Variants in PRKRIP1 observed in about 807,000 individuals in gnomAD.
PRKRIP1 encodes PRKR-interacting protein 1.
Under a neutral mutation model 29.3 loss-of-function variants are expected in PRKRIP1, and 29 were observed. The observed-to-expected ratio is 0.99, with a 90% CI of 0.74 to 1.35. The LOEUF (loss-of-function observed/expected upper bound fraction) is 1.35. Among genes scored for constraint, PRKRIP1 ranks in the 40% most tolerant of loss-of-function variants. PRKRIP1 has a pLI of 0.00. For synonymous variants in PRKRIP1, 90 were observed against 85.1 expected (o/e 1.06, Z -0.32); for missense variants, 247 against 236.8 (o/e 1.04, Z -0.28).
chr7:102,408,074 G>A (rs1796280649), intron 5 of PRKRIP1, among the ~76,000 whole-genome samples: 1 of 152,172 alleles, frequency 6.6e-6, no homozygotes, highest in Non-Finnish European at 1.5e-5. Context: ...GCAGCGTGAT[G>A]TGGCTCAGCA....
chr7:102,418,170 C>T (rs966540813), intron 5 of PRKRIP1, among the ~76,000 whole-genome samples: 4 of 151,880 alleles, frequency 2.6e-5, no homozygotes, highest in African/African-American at 9.7e-5. Flanking sequence ...CTGCCTCAGC[C>T]TCCTGAGTAG....
rs541545617 is a variant in PRKRIP1 at position 102,412,981 on chromosome 7, C to T, written c.457+5483C>T. On this transcript the variant is annotated intron_variant, in intron 5 of 5. Transcript: ENST00000397912. ...TATTCCCACACCACTCTTACTTATC[C>T]TAACATAGGCCTGCCCATCAAAGAA... Among the ~76,000 whole-genome samples the T allele has an allele frequency of 2.6e-5, 4 of 152,328 alleles. No homozygotes were observed. The South Asian group carries it at 6.2e-4, about 24-fold the overall frequency.
chr7:102,398,762 T>G (rs1274069268), intron 2 of PRKRIP1, among the ~76,000 whole-genome samples: 1 of 152,212 alleles, frequency 6.6e-6, no homozygotes, highest in African/African-American at 2.4e-5. Context: ...TGTAAATTCT[T>G]TAGTTTCCCA....
At chr7:102,397,202 G>T (rs1554570511) in intron 1 of PRKRIP1, among the ~76,000 whole-genome samples, 1 of 152,154 alleles carries the variant, frequency 6.6e-6, no homozygotes, top group Non-Finnish European at 1.5e-5. Flanking sequence ...TGTCCAAGTA[G>T]CAAAGCAGTC....
chr7:102,412,486 C>T (rs1454080944), intron 5 of PRKRIP1, among the ~76,000 whole-genome samples: 3 of 152,144 alleles, frequency 2.0e-5, no homozygotes, highest in African/African-American at 7.2e-5. Context: ...GCCCAGGTAG[C>T]CGAGGCGGCA....
chr7:102,396,653 G>T, intron 1 of PRKRIP1, 116 bp downstream of exon 1: 2 of 1,122,510 alleles, frequency 1.8e-6, no homozygotes, highest in Non-Finnish European at 2.5e-6. Flanking sequence ...CTCAGTATCC[G>T]ACCCTCCAAG....
chr7:102,399,593 A>G lies in PRKRIP1; in HGVS notation c.251A>G (p.His84Arg), dbSNP rs781934928. ...AGSGEFHVYR[H>R]LRRREYQRQD... ...AGTGGAGAGTTCCACGTGTACAGACATCTGCGCCGGAGAGAATATCAGCGA... is the reference window on the plus strand; with the variant it reads ...AGTGGAGAGTTCCACGTGTACAGACGTCTGCGCCGGAGAGAATATCAGCGA... The change falls in exon 3 of 6, where the codon CAT (histidine) becomes CGT (arginine). Residue 84 changes from histidine (H) to arginine (R), a missense_variant. By Grantham distance (29) the His-to-Arg change is conservative. Around this residue, in one of 3 missense-constraint regions of PRKRIP1, gnomAD observed 134 missense variants for 126.6 expected, o/e 1.06. Transcript: ENST00000397912. The G allele has an allele frequency of 6.2e-7, 1 of 1,614,172 alleles. No individual in the cohort carries two copies. The highest frequency in any genetic ancestry group is 8.5e-7 in the Non-Finnish European group (1 of 1,180,030).
chr7:102,415,606 C>T (rs1435656990), intron 5 of PRKRIP1, among the ~76,000 whole-genome samples: 2 of 152,250 alleles, frequency 1.3e-5, no homozygotes, highest in Admixed American at 6.5e-5. Flanking sequence ...TACCCAAGAT[C>T]ACGGAATGCT....
rs546645621 is a variant in PRKRIP1, at chr7:102,426,356, A to G, written c.*1245A>G. ...GTTTTGAGGCCAACAGGGACGACAGAGACAGTTTCTAGTTAGAGCCTTGGC... is the reference window on the plus strand; with the variant it reads ...GTTTTGAGGCCAACAGGGACGACAGGGACAGTTTCTAGTTAGAGCCTTGGC... On this transcript the variant is annotated 3_prime_UTR_variant, in exon 6 of 6. Transcript: ENST00000397912. 1.3e-5 allele frequency: 2 copies of G among 152,788 alleles called. No homozygotes were observed. The highest frequency in any genetic ancestry group is 3.8e-4 in the East Asian group (2 of 5,196). 9.5% of individuals were successfully genotyped at this position (152,788 alleles called of 1,614,324 possible).
In PRKRIP1 at chr7:102,425,167, A is replaced by G; in HGVS notation, c.*56A>G. 1 of 1,569,480 alleles carries G rather than the reference A, an allele frequency of 6.4e-7. No individual in the cohort carries two copies. Among genetic ancestry groups the G allele is most frequent in the Non-Finnish European group, 8.6e-7 (1 of 1,162,304 alleles). The stretch of plus-strand genomic sequence containing the variant: ...TGGCTCGTGCTGTGACCAGAAGGGA[A>G]AGGCGGCTGTTTGGCTCTTTCTCCC... On this transcript the variant is annotated 3_prime_UTR_variant, in exon 6 of 6. Transcript: ENST00000397912.
intron 5 of PRKRIP1, among the ~76,000 whole-genome samples, chr7:102,420,220 C>A (rs181003554): frequency 3.7e-4 from 56 of 152,252 alleles, no homozygotes; most frequent in African/African-American, 1.3e-3. Flanking sequence ...ATAAGTTTCA[C>A]ATCAACTGAG....
intron 1 of PRKRIP1, among the ~76,000 whole-genome samples, chr7:102,396,789 C>A (rs1554570435): frequency 6.6e-6 from 1 of 152,096 alleles, no homozygotes; most frequent in East Asian, 1.9e-4. Context: ...CTCCAAGACC[C>A]CTTCTGGTTT....
At chr7:102,400,029 A>T (rs1796021755) in intron 3 of PRKRIP1, among the ~76,000 whole-genome samples, 1 of 151,730 alleles carries the variant, frequency 6.6e-6, no homozygotes, top group Non-Finnish European at 1.5e-5. Context: ...GAGAAAAGAA[A>T]AGAAAAAAGC....
chr7:102,397,145 A>G (rs1256340010), intron 1 of PRKRIP1, among the ~76,000 whole-genome samples: 1 of 152,180 alleles, frequency 6.6e-6, no homozygotes, highest in Non-Finnish European at 1.5e-5. Flanking sequence ...AAGAGTACAT[A>G]GGATGAAAAA....
Position 102,425,087 on chromosome 7 carries a change from G to A in PRKRIP1, c.531G>A (p.Val177=), listed in dbSNP as rs142271788. ...CTGGAACAGAGGAGGAGGAGGAAGT[G>A]CCCAGTTTCACCATGGGGCGATGAC... The part of the protein sequence containing the change: ...EASGTEEEEE[V]PSFTMGR Residue 177 remains valine, a synonymous_variant, in exon 6 of 6, where the codon GTG becomes GTA. Coordinates refer to ENST00000397912, the MANE Select transcript of PRKRIP1 (RefSeq NM_024653.4). 499 of 1,613,142 alleles carry A rather than the reference G, an allele frequency of 3.1e-4. 4 individuals are homozygous for A. In the African/African-American group the frequency reaches 6.1e-3, roughly 20 times the overall value.
Position 102,396,400 on chromosome 7 carries a change from T to C in PRKRIP1, c.-12T>C. 6.5e-7 allele frequency: 1 copy of C among 1,544,080 alleles called. No homozygotes were observed. The highest frequency in any genetic ancestry group is 8.7e-7 in the Non-Finnish European group (1 of 1,152,094). On this transcript the variant is annotated 5_prime_UTR_variant, in exon 1 of 6. Transcript: ENST00000397912. ...CGACGCCGCCGCTCGCTTGTGAAAC[T>C]GGAAGGCTGCCATGGCTAGCCCAGC...
chr7:102,420,188 G>T (rs1416764939), intron 5 of PRKRIP1, among the ~76,000 whole-genome samples: 1 of 152,098 alleles, frequency 6.6e-6, no homozygotes. Context: ...GCCTGGCCTT[G>T]TGTGCTAGTT....
At chr7:102,401,727 C>G (rs1796078705) in intron 3 of PRKRIP1, among the ~76,000 whole-genome samples, 1 of 152,016 alleles carries the variant, frequency 6.6e-6, no homozygotes, top group South Asian at 2.1e-4. Flanking sequence ...GAGTGAAACT[C>G]TGTCTCAAAA....
At chr7:102,422,932 TCC>T (rs1554573935) in intron 5 of PRKRIP1, 3 of 290,540 alleles carry the variant, frequency 1.0e-5, no homozygotes, top group African/African-American at 4.4e-5. Context: ...ATCCGAAACA[TCC>T]GAAATCTGAA....
Sources: allele counts gnomAD v4.1 joint callset (sites outside exome capture counted in the v4.1 genomes callset), GRCh38; gene constraint gnomAD v4.1.1; regional missense constraint gnomAD v4.1.1; transcripts MANE v1.5; gene names NCBI Gene and HGNC (gene_info 2026-07-23, HGNC 2026-07-21).